Variants in IL1RL2 observed in about 807,000 individuals in gnomAD.
IL1RL2 encodes the protein interleukin 1 receptor like 2, also known as interleukin-1 receptor-like 2.
In IL1RL2, 68 loss-of-function variants were observed where a neutral mutation model predicts 66.8. The observed-to-expected ratio is 1.02, with a 90% CI of 0.84 to 1.25. The LOEUF (loss-of-function observed/expected upper bound fraction) is 1.25, where lower values mean the gene tolerates loss of function less well. IL1RL2 is among the 50% of genes most tolerant of loss of function. IL1RL2 has a pLI of 0.00. For missense variants in IL1RL2, 729 were observed against 709.3 expected, an observed-to-expected ratio of 1.03 and a Z score of -0.32; for synonymous variants, 305 against 264.6, an observed-to-expected ratio of 1.15 and a Z score of -1.48.
At chr2:102,226,190 A>C in intron 9 of IL1RL2, 149 bp downstream of exon 9, 1 of 563,948 alleles carries the variant, frequency 1.8e-6, no homozygotes, top group Non-Finnish European at 2.9e-6. Context: ...GCTTTAGAGA[A>C]ATGATTTGTC....
intron 3 of IL1RL2, among the ~76,000 whole-genome samples, chr2:102,191,072 T>TA (rs1578085513): frequency 6.6e-6 from 1 of 152,138 alleles, no homozygotes; most frequent in East Asian, 1.9e-4. Context: ...TAAGAATATA[T>TA]TTTTACATTT....
At chr2:102,237,758 T>A (rs1023923811) in intron 11 of IL1RL2, among the ~76,000 whole-genome samples, 3 of 152,142 alleles carry the variant, frequency 2.0e-5, no homozygotes, top group African/African-American at 7.2e-5. Context: ...TGTAGGCAGG[T>A]TGGCAGGTAA....
chr2:102,205,778 C>G (rs567609327), intron 5 of IL1RL2, among the ~76,000 whole-genome samples: 23 of 152,258 alleles, frequency 1.5e-4, no homozygotes, highest in African/African-American at 5.3e-4. Flanking sequence ...ATATCTTTCT[C>G]TAGGTTTGGG....
At position 102,225,897 on chromosome 2, in the gene IL1RL2, G is replaced by T; in HGVS notation, c.992-1G>T. ...TATTATTTTTTTGCTGTCATTTGTA[G>T]CTCCGGATTTTCGAGCTTACTTGAT... On this transcript the variant is annotated splice_acceptor_variant, in intron 8 of 11. Transcript: ENST00000264257. LOFTEE classifies it high-confidence loss of function. 1 of 1,566,952 alleles carries T rather than the reference G, an allele frequency of 6.4e-7. No homozygotes were observed. Among genetic ancestry groups the T allele is most frequent in the South Asian group, 1.2e-5 (1 of 81,190 alleles).
chr2:102,223,018 C>T (rs11887842), intron 8 of IL1RL2, among the ~76,000 whole-genome samples: 13,703 of 152,292 alleles, frequency 0.09, 679 homozygotes, highest in African/African-American at 0.12. Flanking sequence ...AGGCCAAGTC[C>T]AAGCTCAGAG....
intron 8 of IL1RL2, among the ~76,000 whole-genome samples, chr2:102,224,812 T>C (rs752027369): frequency 2.0e-5 from 3 of 152,214 alleles, no homozygotes; most frequent in African/African-American, 4.8e-5. Context: ...ACACATTGTA[T>C]GCCTGTGTCA....
At chr2:102,219,107 C>T (rs760820805) in intron 7 of IL1RL2, 25 bp downstream of exon 7, 2 of 1,612,874 alleles carry the variant, frequency 1.2e-6, no homozygotes, top group Non-Finnish European at 1.7e-6. Context: ...TTTTTGACTT[C>T]TCTAAACGCT....
At chr2:102,226,842 T>A (rs2104864766) in intron 9 of IL1RL2, among the ~76,000 whole-genome samples, 1 of 152,314 alleles carries the variant, frequency 6.6e-6, no homozygotes, top group South Asian at 2.1e-4. Context: ...TAAATCCTGC[T>A]TTTTGACAGT....
intron 9 of IL1RL2, among the ~76,000 whole-genome samples, chr2:102,231,861 G>A (rs759537457): frequency 1.3e-5 from 2 of 152,158 alleles, no homozygotes; most frequent in Non-Finnish European, 2.9e-5. Context: ...GTGAGTCTGT[G>A]GGTTTGTAGT....
chr2:102,227,156 T>C (rs1690693378), intron 9 of IL1RL2, among the ~76,000 whole-genome samples: 1 of 152,240 alleles, frequency 6.6e-6, no homozygotes, highest in African/African-American at 2.4e-5. Flanking sequence ...AAATCTGCTC[T>C]AAAGTCCCCT....
chr2:102,219,138 AGTGAATCTG>A, intron 7 of IL1RL2, 56 bp downstream of exon 7: 1 of 1,597,464 alleles, frequency 6.3e-7, no homozygotes, highest in South Asian at 1.1e-5. Context: ...TCTCCATCTA[AGTGAATCTG>A]GTATCACTAC....
chr2:102,217,637 AG>A (rs1689726048), intron 6 of IL1RL2, among the ~76,000 whole-genome samples: 1 of 152,200 alleles, frequency 6.6e-6, no homozygotes, highest in South Asian at 2.1e-4. Flanking sequence ...ACAAATCAAC[AG>A]CCAACTGATA....
At chr2:102,187,728 C>T (rs1578072942) in intron 1 of IL1RL2, 128 bp from the exon 2 acceptor site, 1 of 790,682 alleles carries the variant, frequency 1.3e-6, no homozygotes, top group East Asian at 2.5e-5. Context: ...AGTCGGAGGG[C>T]TCCCCAGGAA....
At chr2:102,207,071 C>T (rs35890021) in intron 5 of IL1RL2, among the ~76,000 whole-genome samples, 1 of 152,320 alleles carries the variant, frequency 6.6e-6, no homozygotes, top group African/African-American at 2.4e-5. Context: ...GCAGATTTTC[C>T]CTTAAGGTCC....
At chr2:102,189,348 G>A in intron 3 of IL1RL2, 38 bp downstream of exon 3, 1 of 1,226,084 alleles carries the variant, frequency 8.2e-7, no homozygotes, top group Non-Finnish European at 1.1e-6. Context: ...ACTCGTGTGT[G>A]TATGTATAAA....
At chr2:102,214,061 C>T (rs956349095) in intron 6 of IL1RL2, among the ~76,000 whole-genome samples, 1 of 152,042 alleles carries the variant, frequency 6.6e-6, no homozygotes, top group African/African-American at 2.4e-5. Context: ...ATAATAATAC[C>T]TATAATAAAG....
At chr2:102,227,964 C>G (rs1452345611) in intron 9 of IL1RL2, among the ~76,000 whole-genome samples, 1 of 152,082 alleles carries the variant, frequency 6.6e-6, no homozygotes, top group African/African-American at 2.4e-5. Flanking sequence ...GGAATAGTGA[C>G]TCACACGGAG....
At chr2:102,201,835 C>A in intron 5 of IL1RL2, 120 bp downstream of exon 5, 1 of 883,310 alleles carries the variant, frequency 1.1e-6, no homozygotes, top group Non-Finnish European at 1.7e-6. Context: ...TCCCTGAAGG[C>A]TAGTAGGCTC....
chr2:102,236,460 T>C (rs905702297), intron 11 of IL1RL2, among the ~76,000 whole-genome samples: 1 of 152,234 alleles, frequency 6.6e-6, no homozygotes, highest in Non-Finnish European at 1.5e-5. Context: ...CTCCTGTCTT[T>C]GAAGAGTTTA....
Sources: gnomAD v4.1 joint callset for allele counts (sites outside exome capture counted in the v4.1 genomes callset) on GRCh38, gnomAD v4.1.1 for gene constraint, MANE v1.5 for transcripts, NCBI Gene and HGNC (gene_info 2026-07-23, HGNC 2026-07-21) for gene names.